HSD17B12: variants seen among roughly 807,000 people sequenced by gnomAD.
HSD17B12 encodes very-long-chain 3-oxoacyl-CoA reductase.
Under a neutral mutation model 39.3 loss-of-function variants are expected in HSD17B12, and 32 were observed. That is an observed-to-expected ratio of 0.81 (90% confidence interval 0.61 to 1.09). The LOEUF (loss-of-function observed/expected upper bound fraction) is 1.09. HSD17B12 is among the 50% of genes least tolerant of loss of function. HSD17B12 has a pLI of 0.00. For synonymous variants in HSD17B12, 150 were observed against 146.7 expected (o/e 1.02, Z -0.16); for missense variants, 342 against 382.9 (o/e 0.89, Z 0.89).
the HSD17B12 span, among the ~76,000 whole-genome samples, chr11:43,664,547 A>G: frequency 9.3e-4 from 142 of 152,254 alleles, no homozygotes; most frequent in Non-Finnish European, 1.4e-3. Context: ...TGTTATCTTT[A>G]GTTTTTTTAC....
intron 4 of HSD17B12, among the ~76,000 whole-genome samples, chr11:43,810,376 TATATATATATATATA>T (rs1430335605): frequency 3.8e-5 from 1 of 26,418 alleles, no homozygotes; most frequent in Non-Finnish European, 9.8e-5. Flanking sequence ...ATTATATATA[TATATATATATATATA>T]TATATATATA....
chr11:43,801,120 C>A (rs1177722659), intron 4 of HSD17B12, among the ~76,000 whole-genome samples: 1 of 150,062 alleles, frequency 6.7e-6, no homozygotes, highest in Non-Finnish European at 1.5e-5. Context: ...GCCTGGGTGA[C>A]AAAGTGAGAC....
the HSD17B12 span, among the ~76,000 whole-genome samples, chr11:43,620,138 A>G: frequency 6.6e-6 from 1 of 152,198 alleles, no homozygotes; most frequent in African/African-American, 2.4e-5. Flanking sequence ...TTGCTGCATC[A>G]AGAGCAGGCC....
intron 3 of HSD17B12, among the ~76,000 whole-genome samples, chr11:43,775,933 T>C (rs1950698830): frequency 6.6e-6 from 1 of 152,122 alleles, no homozygotes; most frequent in Non-Finnish European, 1.5e-5. Context: ...ACGAAGGACA[T>C]GAACTCATCA....
At chr11:43,683,578 T>C (rs962938170) in intron 1 of HSD17B12, among the ~76,000 whole-genome samples, 5 of 152,192 alleles carry the variant, frequency 3.3e-5, no homozygotes, top group African/African-American at 1.2e-4. Flanking sequence ...GACACTTGAA[T>C]AATTAGAGTT....
intron 9 of HSD17B12, among the ~76,000 whole-genome samples, chr11:43,843,095 A>G (rs1001451048): frequency 6.6e-6 from 1 of 152,104 alleles, no homozygotes; most frequent in African/African-American, 2.4e-5. Context: ...TTCATCTGTC[A>G]TTGTGTTTTG....
chr11:43,632,983 T>C, the HSD17B12 span, among the ~76,000 whole-genome samples: 3 of 152,134 alleles, frequency 2.0e-5, no homozygotes, highest in African/African-American at 7.2e-5. Context: ...TATGTTTTGG[T>C]TATAATGTAA....
chr11:43,612,466 A>T, the HSD17B12 span, among the ~76,000 whole-genome samples: 1 of 152,218 alleles, frequency 6.6e-6, no homozygotes, highest in African/African-American at 2.4e-5. Context: ...CTCAAGCAAG[A>T]TATATATAGT....
chr11:43,782,519 A>G (rs1420605845), intron 3 of HSD17B12, among the ~76,000 whole-genome samples: 1 of 152,068 alleles, frequency 6.6e-6, no homozygotes, highest in Non-Finnish European at 1.5e-5. Flanking sequence ...CGTTTACTAA[A>G]ACTACAAAAG....
the HSD17B12 span, among the ~76,000 whole-genome samples, chr11:43,585,141 G>A: frequency 2.6e-5 from 4 of 152,208 alleles, no homozygotes; most frequent in Admixed American, 6.5e-5. Flanking sequence ...ACTGGAGTTC[G>A]GCCTAGGATG....
At chr11:43,568,821 T>C in the HSD17B12 span, among the ~76,000 whole-genome samples, 2 of 152,218 alleles carry the variant, frequency 1.3e-5, no homozygotes, top group Non-Finnish European at 2.9e-5. Flanking sequence ...ACTGTGAAGC[T>C]ACCTTCTTGT....
chr11:43,623,249 CCTTT>C, the HSD17B12 span, among the ~76,000 whole-genome samples: 1 of 152,054 alleles, frequency 6.6e-6, no homozygotes, highest in African/African-American at 2.4e-5. Context: ...TGAAAGTCTT[CCTTT>C]ATCAGTATAG....
intron 1 of HSD17B12, among the ~76,000 whole-genome samples, chr11:43,711,083 G>A (rs1446680760): frequency 2.0e-5 from 3 of 151,914 alleles, no homozygotes; most frequent in Admixed American, 6.6e-5. Context: ...ATGAGCCACC[G>A]TACCTGGCCT....
the HSD17B12 span, among the ~76,000 whole-genome samples, chr11:43,618,169 TGAA>T: frequency 6.6e-6 from 1 of 152,188 alleles, no homozygotes; most frequent in Admixed American, 6.5e-5. Flanking sequence ...AGTCTCCTGT[TGAA>T]GAAAGAATCT....
intron 1 of HSD17B12, among the ~76,000 whole-genome samples, chr11:43,743,544 A>G (rs2134921495): frequency 6.6e-6 from 1 of 152,338 alleles, no homozygotes; most frequent in South Asian, 2.1e-4. Context: ...CTTGAGACTC[A>G]GGGAAATTAA....
chr11:43,852,380 G>C (rs1951540240), intron 9 of HSD17B12: 1 of 151,926 alleles, frequency 6.6e-6, no homozygotes, highest in Admixed American at 6.6e-5. Flanking sequence ...CAGTTGAGAG[G>C]TATAATGATT....
chr11:43,675,556 G>GAT, the HSD17B12 span, among the ~76,000 whole-genome samples: 1 of 151,688 alleles, frequency 6.6e-6, no homozygotes, highest in Non-Finnish European at 1.5e-5. Context: ...TTCTTAATGT[G>GAT]ATATAAAGTC....
At chr11:43,776,342 T>C (rs1349203784) in intron 3 of HSD17B12, among the ~76,000 whole-genome samples, 1 of 152,100 alleles carries the variant, frequency 6.6e-6, no homozygotes, top group African/African-American at 2.4e-5. Flanking sequence ...GATTTACATT[T>C]CTCTGATGGC....
At chr11:43,585,900 G>GA in the HSD17B12 span, among the ~76,000 whole-genome samples, 1 of 152,246 alleles carries the variant, frequency 6.6e-6, no homozygotes, top group African/African-American at 2.4e-5. Context: ...AATTATGTTT[G>GA]AAAAAATCCA....
Sources: gnomAD v4.1 joint callset for allele counts (sites outside exome capture counted in the v4.1 genomes callset) on GRCh38, gnomAD v4.1.1 for gene constraint, MANE v1.5 for transcripts, NCBI Gene and HGNC (gene_info 2026-07-23, HGNC 2026-07-21) for gene names.